Variants in CACNA1B observed in about 807,000 individuals in gnomAD.
The protein encoded by CACNA1B is calcium voltage-gated channel subunit alpha1 B, also known as voltage-dependent N-type calcium channel subunit alpha-1B.
In CACNA1B, 70 loss-of-function variants were observed where a neutral mutation model predicts 247.2. The ratio of observed to expected loss-of-function variants is 0.28; its 90% CI spans 0.23 to 0.35. CACNA1B has a LOEUF of 0.35. CACNA1B is among the 10% of genes least tolerant of loss of function. The probability of loss-of-function intolerance (pLI) is 1.00; values close to 1 mark genes in which losing one functional copy is unlikely to be tolerated. For synonymous variants in CACNA1B, 1,231 were observed against 1,294.4 expected (o/e 0.95, Z 1.05); for missense variants, 2,367 against 3,197.4 (o/e 0.74, Z 6.26).
In CACNA1B at chr9:138,121,440, C is replaced by A; in HGVS notation, c.6490-29C>A. ...GGCTTTTTTTTTTTTTTTTTTACCT[C>A]TGATTTGTTCTGGTCCATTTTCATG... On this transcript the variant is annotated intron_variant, in intron 46 of 46. Transcript: ENST00000371372. This position sits in a 1 kb window ranked among gnomAD's most constrained non-coding sequence, Gnocchi z 6.8. 30 of 974,904 alleles carry A rather than the reference C, an allele frequency of 3.1e-5. No homozygotes were observed. Among genetic ancestry groups the A allele is most frequent in the Non-Finnish European group, 4.1e-5 (29 of 703,520 alleles). The allele number at this position is 974,904 out of a possible 1,614,324, so 60.4% of individuals were successfully genotyped here. A position where few individuals can be genotyped will look rare whatever the true frequency, so the allele number is the denominator to read the frequency against.
rs1589013359 is a variant in CACNA1B at position 137,928,639 on chromosome 9, C to T, written c.966+11208C>T. Among the ~76,000 whole-genome samples the T allele has an allele frequency of 2.0e-5, 3 of 152,152 alleles. No individual in the cohort carries two copies. The Middle Eastern group carries it at 0.01, about 518-fold the overall frequency. ...CTTTTGCTGCAATATAATCTGTGTA[C>T]CATAAAATTCACCATTTTAAAGTTT... On this transcript the variant is annotated intron_variant, in intron 6 of 46. Transcript: ENST00000371372.
intron 26 of CACNA1B, among the ~76,000 whole-genome samples, chr9:138,056,906 C>T (rs1360489157): frequency 1.4e-5 from 2 of 146,792 alleles, no homozygotes; most frequent in African/African-American, 5.0e-5. Context: ...AGTGTCTATT[C>T]AGATCCTTTA....
rs780644014 is a variant in CACNA1B at position 138,012,569 on chromosome 9, C to T, written c.2161-560C>T. Among the ~76,000 whole-genome samples, 5 of 151,930 alleles carry T rather than the reference C, an allele frequency of 3.3e-5. No homozygotes were observed. The highest frequency in any genetic ancestry group is 3.3e-4 in the Admixed American group (5 of 15,254). ...GAAAAATTAAATTAAAAAAATTTAGCCAGTCGTGATGACACGTGCTTGGAG... is the reference window on the plus strand; with the variant it reads ...GAAAAATTAAATTAAAAAAATTTAGTCAGTCGTGATGACACGTGCTTGGAG... On this transcript the variant is annotated intron_variant, in intron 17 of 46. Transcript: ENST00000371372. The surrounding 1 kb of genome is among the most constrained non-coding windows in gnomAD (Gnocchi z 4.2).
At position 138,052,716 on chromosome 9, in the gene CACNA1B, T is replaced by C. The variant is rs1564260938; in HGVS notation, c.3807+528T>C. Among the ~76,000 whole-genome samples the C allele has an allele frequency of 6.6e-6, 1 of 152,268 alleles. No individual in the cohort carries two copies. The highest frequency in any genetic ancestry group is 1.9e-4 in the East Asian group (1 of 5,182). Reference sequence around the variant, plus strand: ...ATTCTTTTACTGGAAATTCAAGCCATTGAGACCTGAGGCAATGGGGACTTA... The same window carrying C: ...ATTCTTTTACTGGAAATTCAAGCCACTGAGACCTGAGGCAATGGGGACTTA... On this transcript the variant is annotated intron_variant, in intron 25 of 46. Coordinates refer to ENST00000371372, the MANE Select transcript of CACNA1B (RefSeq NM_000718.4). This position sits in a 1 kb window ranked among gnomAD's most constrained non-coding sequence, Gnocchi z 5.1.
intron 38 of CACNA1B, among the ~76,000 whole-genome samples, chr9:138,103,060 A>G (rs1961306915): frequency 6.6e-6 from 1 of 151,988 alleles, no homozygotes; most frequent in Non-Finnish European, 1.5e-5. Context: ...CCCCTTTGAG[A>G]GCCCCCTGGA....
intron 12 of CACNA1B, among the ~76,000 whole-genome samples, chr9:137,978,057 C>T (rs1958244209): frequency 7.4e-6 from 1 of 134,870 alleles, no homozygotes; most frequent in Admixed American, 7.4e-5. Context: ...ACCCTCCCCC[C>T]CAGGAAGGAG....
At chr9:138,033,515 T>A (rs1162180477) in intron 20 of CACNA1B, among the ~76,000 whole-genome samples, 1 of 152,222 alleles carries the variant, frequency 6.6e-6, no homozygotes, top group East Asian at 1.9e-4. Flanking sequence ...CTTATTTACA[T>A]CTTCAGTTTT....
rs2133505781 is a variant in CACNA1B, at chr9:138,058,908, G to T, written c.4474-171G>T. On this transcript the variant is annotated intron_variant, in intron 29 of 46. Coordinates refer to ENST00000371372, the MANE Select transcript of CACNA1B (RefSeq NM_000718.4). This position sits in a 1 kb window ranked among gnomAD's most constrained non-coding sequence, Gnocchi z 4.7. Reference sequence around the variant, plus strand: ...ATCCTGTTTCCCTTTGTTGTCTGTGGGCTGGGACAGTGGGGAGGTTCTGGG... The same window carrying T: ...ATCCTGTTTCCCTTTGTTGTCTGTGTGCTGGGACAGTGGGGAGGTTCTGGG... Among the ~76,000 whole-genome samples the T allele has an allele frequency of 6.6e-6, 1 of 152,280 alleles. No individual in the cohort carries two copies.
chr9:137,881,685 C>A lies in CACNA1B; in HGVS notation c.391-1059C>A, dbSNP rs1468375865. ...TGCCTTGCACAGGGCCTTTCCCTGC[C>A]AGCCCCACGCGTGTGCTCACGAGGA... On this transcript the variant is annotated intron_variant, in intron 2 of 46. Transcript: ENST00000371372. This position sits in a 1 kb window ranked among gnomAD's most constrained non-coding sequence, Gnocchi z 4.3. Among the ~76,000 whole-genome samples the A allele has an allele frequency of 6.6e-6, 1 of 152,214 alleles. No homozygotes were observed. The highest frequency in any genetic ancestry group is 2.4e-5 in the African/African-American group (1 of 41,470).
Position 138,118,024 on chromosome 9 carries a change from G to C in CACNA1B, c.5856G>C (p.Arg1952Ser). ...QRTQDAPHEA[R>S]PPLERGHSTE... ...CCCAGGATGCACCCCATGAGGCCAG[G>C]CCACCCCTGGAGCGTGGCCACTCCA... The change falls in exon 43 of 47, where the codon AGG (arginine) becomes AGC (serine). Residue 1952 changes from arginine (R) to serine (S), a missense_variant. Coordinates refer to ENST00000371372, the MANE Select transcript of CACNA1B (RefSeq NM_000718.4). The C allele has an allele frequency of 6.2e-7, 1 of 1,601,034 alleles. No individual in the cohort carries two copies. The highest frequency in any genetic ancestry group is 8.5e-7 in the Non-Finnish European group (1 of 1,173,996).
chr9:138,093,186 G>A (rs754610326), intron 36 of CACNA1B, among the ~76,000 whole-genome samples: 8 of 151,882 alleles, frequency 5.3e-5, no homozygotes, highest in African/African-American at 1.7e-4. Context: ...TTTGGAGGCC[G>A]AGGTAGACAG....
intron 12 of CACNA1B, among the ~76,000 whole-genome samples, chr9:137,976,220 C>T (rs1958219224): frequency 6.6e-6 from 1 of 152,264 alleles, no homozygotes; most frequent in Admixed American, 6.5e-5. Context: ...GAGTGTCAGC[C>T]TCAGCAGCTC....
chr9:138,078,438 A>G (rs1256853204), intron 36 of CACNA1B, among the ~76,000 whole-genome samples, 180 bp downstream of exon 36: 5 of 152,204 alleles, frequency 3.3e-5, no homozygotes, highest in African/African-American at 4.8e-5. Flanking sequence ...AAGGGCCGAC[A>G]TGGTAACGGG....
chr9:138,117,920 G>C (rs1239349535), intron 42 of CACNA1B, 26 bp from the exon 43 acceptor site: 7 of 1,542,740 alleles, frequency 4.5e-6, no homozygotes, highest in Non-Finnish European at 6.2e-6. Flanking sequence ...GACCCTACAG[G>C]AATCTGTTTG....
intron 3 of CACNA1B, among the ~76,000 whole-genome samples, chr9:137,896,895 A>G (rs554871787): frequency 6.6e-6 from 1 of 152,216 alleles, no homozygotes; most frequent in South Asian, 2.1e-4. Flanking sequence ...CAACTCGTTG[A>G]ATTTATGTGT....
Position 137,954,961 on chromosome 9 carries a change from C to G in CACNA1B, c.1071-737C>G, listed in dbSNP as rs560957558. The stretch of plus-strand genomic sequence containing the variant: ...TGGCACTGTGAGCCTTAAAGCTTGG[C>G]CAGGAGGCTGGGGCTGGGCTGGGGA... On this transcript the variant is annotated intron_variant, in intron 7 of 46. Transcript: ENST00000371372. The surrounding 1 kb of genome is among the most constrained non-coding windows in gnomAD (Gnocchi z 4.1). Among the ~76,000 whole-genome samples, 11 of 151,456 alleles carry G rather than the reference C, an allele frequency of 7.3e-5. No homozygotes were observed. The highest frequency in any genetic ancestry group is 2.0e-4 in the East Asian group (1 of 5,106).
chr9:137,959,117 G>A (rs1321555156), intron 10 of CACNA1B, among the ~76,000 whole-genome samples: 1 of 151,898 alleles, frequency 6.6e-6, no homozygotes, highest in African/African-American at 2.4e-5. Context: ...TTGTTGCCCA[G>A]GCTGGAGTGC....
chr9:138,033,758 A>G (rs1467650323), intron 20 of CACNA1B, among the ~76,000 whole-genome samples: 2 of 152,144 alleles, frequency 1.3e-5, no homozygotes, highest in African/African-American at 4.8e-5. Flanking sequence ...CAAGACACTT[A>G]ATAAGACCAT....
intron 10 of CACNA1B, among the ~76,000 whole-genome samples, chr9:137,960,115 A>G (rs1288565619): frequency 7.6e-6 from 1 of 131,506 alleles, no homozygotes; most frequent in East Asian, 2.5e-4. Flanking sequence ...AGCCTGAGGA[A>G]CTACTCTCAG....
Sources: gnomAD v4.1 joint callset for allele counts (sites outside exome capture counted in the v4.1 genomes callset) on GRCh38, gnomAD v4.1.1 for gene constraint, Gnocchi (gnomAD v3.1) non-coding constraint, MANE v1.5 for transcripts, NCBI Gene and HGNC (gene_info 2026-07-23, HGNC 2026-07-21) for gene names.